Variants in C2orf76 observed in about 807,000 individuals in gnomAD.
The protein encoded by C2orf76 is UPF0538 protein C2orf76.
In C2orf76, 23 loss-of-function variants were observed where a neutral mutation model predicts 16.9. The ratio of observed to expected loss-of-function variants is 1.36; its 90% confidence interval spans 0.98 to 1.93. C2orf76 has a LOEUF of 1.93. C2orf76 is among the 30% of genes most tolerant of loss of function. The probability of loss-of-function intolerance (pLI) is 0.00; values close to 1 mark genes in which losing one functional copy is unlikely to be tolerated. For missense variants in C2orf76, 152 were observed against 152.6 expected (o/e 1.00, Z 0.02); for synonymous variants, 48 against 52.3 (o/e 0.92, Z 0.35).
At chr2:119,282,920 G>T in the C2orf76 span, among the ~76,000 whole-genome samples, 1 of 152,208 alleles carries the variant, frequency 6.6e-6, no homozygotes, top group Non-Finnish European at 1.5e-5. Flanking sequence ...GGCTGCGGGG[G>T]GAAACAACAT....
chr2:119,311,991 C>A (rs1679007318), intron 4 of C2orf76, among the ~76,000 whole-genome samples: 1 of 152,126 alleles, frequency 6.6e-6, no homozygotes, highest in South Asian at 2.1e-4. Flanking sequence ...AGCTACACAA[C>A]CTCTCTAGGA....
chr2:119,316,253 C>G (rs1314976372), intron 4 of C2orf76, among the ~76,000 whole-genome samples: 4 of 152,144 alleles, frequency 2.6e-5, no homozygotes, highest in Admixed American at 2.6e-4. Context: ...ATTCTAGTAC[C>G]AATCAAAAGG....
intron 5 of C2orf76, among the ~76,000 whole-genome samples, chr2:119,305,280 C>CCAGA (rs1355216471): frequency 1.3e-5 from 2 of 151,830 alleles, no homozygotes; most frequent in Admixed American, 6.6e-5. Flanking sequence ...TATAATGCTT[C>CCAGA]CAGACAGACA....
intron 1 of C2orf76, among the ~76,000 whole-genome samples, chr2:119,343,395 A>G (rs1382804061): frequency 6.6e-6 from 1 of 151,966 alleles, no homozygotes; most frequent in Non-Finnish European, 1.5e-5. Context: ...TGCTAAAGCT[A>G]TGACCACGTC....
the C2orf76 span, among the ~76,000 whole-genome samples, chr2:119,283,462 G>A: frequency 1.3e-5 from 2 of 151,858 alleles, no homozygotes; most frequent in East Asian, 3.9e-4. Flanking sequence ...GGTTCTTTTG[G>A]TTTTTTTGTT....
At chr2:119,365,269 T>A (rs561745890) in intron 1 of C2orf76, among the ~76,000 whole-genome samples, 2 of 152,332 alleles carry the variant, frequency 1.3e-5, no homozygotes, top group South Asian at 4.1e-4. Flanking sequence ...TCAAGGAAGC[T>A]GTAAGCACCA....
chr2:119,322,331 C>A (rs537572317), intron 2 of C2orf76, among the ~76,000 whole-genome samples: 1 of 152,088 alleles, frequency 6.6e-6, no homozygotes, highest in East Asian at 1.9e-4. Context: ...ATCAACCCCC[C>A]AAGTAGCTGG....
chr2:119,363,470 C>T (rs1332750855), intron 1 of C2orf76, among the ~76,000 whole-genome samples: 1 of 151,646 alleles, frequency 6.6e-6, no homozygotes, highest in Non-Finnish European at 1.5e-5. Context: ...TCCAGCTCTG[C>T]TGAAGCCCTG....
chr2:119,328,274 T>C (rs776650543), intron 2 of C2orf76, among the ~76,000 whole-genome samples: 6 of 152,188 alleles, frequency 3.9e-5, no homozygotes, highest in Non-Finnish European at 7.4e-5. Flanking sequence ...GTGGAAGTAT[T>C]TTTTAACCAT....
At chr2:119,343,425 AAAC>A (rs1263070583) in intron 1 of C2orf76, among the ~76,000 whole-genome samples, 1 of 151,572 alleles carries the variant, frequency 6.6e-6, no homozygotes, top group Non-Finnish European at 1.5e-5. Flanking sequence ...TCACCCCCTA[AAAC>A]AACAAAAAAG....
chr2:119,302,860 A>C (rs56410215), intron 5 of C2orf76, among the ~76,000 whole-genome samples: 55,166 of 151,998 alleles, frequency 0.36, 10,401 homozygotes, highest in South Asian at 0.44. Context: ...GCTCATTTAC[A>C]GTCTTTTTTA....
chr2:119,283,471 T>G, the C2orf76 span, among the ~76,000 whole-genome samples: 1 of 152,084 alleles, frequency 6.6e-6, no homozygotes, highest in Non-Finnish European at 1.5e-5. Flanking sequence ...GGTTTTTTTG[T>G]TTTTGTTTTT....
At chr2:119,289,981 T>C in the C2orf76 span, among the ~76,000 whole-genome samples, 5 of 152,036 alleles carry the variant, frequency 3.3e-5, no homozygotes, top group African/African-American at 1.2e-4. Flanking sequence ...GAAACAAACA[T>C]AGGGTTTTGT....
chr2:119,316,707 G>C (rs1473409308), intron 4 of C2orf76, among the ~76,000 whole-genome samples: 1 of 152,148 alleles, frequency 6.6e-6, no homozygotes, highest in Admixed American at 6.5e-5. Flanking sequence ...GCCAGGCACT[G>C]TGCTAGGTAT....
At chr2:119,356,705 A>G (rs962609970) in intron 1 of C2orf76, among the ~76,000 whole-genome samples, 1 of 151,996 alleles carries the variant, frequency 6.6e-6, no homozygotes, top group Non-Finnish European at 1.5e-5. Flanking sequence ...ATGAAAAAAG[A>G]GGTGGTTTTT....
intron 1 of C2orf76, among the ~76,000 whole-genome samples, chr2:119,341,226 C>G (rs902235781): frequency 5.9e-5 from 9 of 152,150 alleles, no homozygotes; most frequent in African/African-American, 2.2e-4. Context: ...CCAGGCTGGT[C>G]TCCAACTCCT....
At chr2:119,317,387 T>C (rs1214094824) in intron 4 of C2orf76, 79 bp downstream of exon 4, 16 of 1,018,642 alleles carry the variant, frequency 1.6e-5, no homozygotes, top group Non-Finnish European at 2.3e-5. Flanking sequence ...TAGATGTACA[T>C]GTATTCATTC....
Position 119,365,562 on chromosome 2 carries a change from G to C in C2orf76, c.-13+1228C>G, listed in dbSNP as rs148746462. On this transcript the variant is annotated intron_variant, in intron 1 of 5. Coordinates refer to ENST00000334816, the MANE Select transcript of C2orf76 (RefSeq NM_001322331.2). Reference sequence around the variant, plus strand: ...TGAAAGCGTCTACCTTCCCTGGGGAGGGGGAAGGTGTAGGCAGGGCAGAGA... The same window carrying C: ...TGAAAGCGTCTACCTTCCCTGGGGACGGGGAAGGTGTAGGCAGGGCAGAGA... Among the ~76,000 whole-genome samples the C allele has an allele frequency of 6.4e-3, 972 of 152,292 alleles. 15 individuals carry two copies. The highest frequency in any genetic ancestry group is 0.023 in the African/African-American group (939 of 41,554).
At chr2:119,305,532 G>A (rs1202471636) in intron 5 of C2orf76, among the ~76,000 whole-genome samples, 1 of 152,162 alleles carries the variant, frequency 6.6e-6, no homozygotes, top group Non-Finnish European at 1.5e-5. Flanking sequence ...AGCCCCTGTT[G>A]TCTGGAAAAA....
Sources: gnomAD v4.1 joint callset for allele counts (sites outside exome capture counted in the v4.1 genomes callset) on GRCh38, gnomAD v4.1.1 for gene constraint, MANE v1.5 for transcripts, NCBI Gene and HGNC (gene_info 2026-07-23, HGNC 2026-07-21) for gene names.